The following CDH12 variants were observed in gnomAD, a reference collection of about 807,000 sequenced individuals.
CDH12 encodes the protein cadherin 12, also known as cadherin-12.
Under a neutral mutation model 74.1 loss-of-function variants are expected in CDH12, and 41 were observed. The ratio of observed to expected loss-of-function variants is 0.55; its 90% CI spans 0.43 to 0.72. The LOEUF (loss-of-function observed/expected upper bound fraction) is 0.72, where lower values mean the gene tolerates loss of function less well. Ranked by LOEUF, CDH12 falls within the 30% of genes least tolerant of loss-of-function variation. CDH12 has a pLI of 0.00. For synonymous variants in CDH12, 399 were observed against 355.0 expected (o/e 1.12, Z -1.39); for missense variants, 945 against 977.2 (o/e 0.97, Z 0.44).
intron 6 of CDH12, among the ~76,000 whole-genome samples, chr5:21,966,665 C>T (rs1013529509): frequency 5.3e-5 from 8 of 152,114 alleles, no homozygotes; most frequent in Admixed American, 2.6e-4. Context: ...TTGGAAAACA[C>T]TTGGCTCCCA....
Position 22,650,449 on chromosome 5 carries a change from T to C in CDH12, c.-522-145085A>G, listed in dbSNP as rs141878921. Among the ~76,000 whole-genome samples the C allele has an allele frequency of 3.3e-3, 502 of 152,104 alleles. 1 individual carries two copies. Among genetic ancestry groups the C allele is most frequent in the African/African-American group, 9.1e-3 (377 of 41,524 alleles). On this transcript the variant is annotated intron_variant, in intron 1 of 14. Transcript: ENST00000382254. The stretch of plus-strand genomic sequence containing the variant: ...AGATTTAAACTGTGTCCTTAGAGAG[T>C]AACCACAGTTCCCTTTGTAAGGGCA...
chr5:22,110,250 A>G (rs1744726709), intron 4 of CDH12, among the ~76,000 whole-genome samples: 1 of 152,146 alleles, frequency 6.6e-6, no homozygotes, highest in South Asian at 2.1e-4. Context: ...AAAATAGCCA[A>G]TATGCCAGAG....
intron 9 of CDH12, 46 bp downstream of exon 9, chr5:21,816,899 T>A: frequency 8.4e-7 from 1 of 1,188,058 alleles, no homozygotes. Context: ...TTTATCTTCT[T>A]TAATTATTAT....
chr5:22,579,340 A>G (rs1422495703), intron 1 of CDH12, among the ~76,000 whole-genome samples: 1 of 152,182 alleles, frequency 6.6e-6, no homozygotes, highest in Non-Finnish European at 1.5e-5. Flanking sequence ...TTGACTTGGA[A>G]AGAAATTGAT....
intron 4 of CDH12, among the ~76,000 whole-genome samples, chr5:22,114,775 T>G (rs1744996651): frequency 6.6e-6 from 1 of 152,174 alleles, no homozygotes; most frequent in Non-Finnish European, 1.5e-5. Context: ...TTCACATTGA[T>G]GTGCACAAAA....
chr5:21,789,166 T>C (rs189803159), intron 10 of CDH12, among the ~76,000 whole-genome samples: 110 of 152,296 alleles, frequency 7.2e-4, no homozygotes, highest in African/African-American at 2.6e-3. Context: ...TAATTGTATG[T>C]ATTATATATG....
chr5:22,465,680 A>C (rs1745699101), intron 2 of CDH12, among the ~76,000 whole-genome samples: 1 of 152,050 alleles, frequency 6.6e-6, no homozygotes, highest in South Asian at 2.1e-4. Flanking sequence ...TAAGAACAGA[A>C]CAGAACAGAA....
intron 4 of CDH12, among the ~76,000 whole-genome samples, chr5:22,207,057 CAA>C (rs1177658403): frequency 1.4e-5 from 2 of 139,502 alleles, no homozygotes; most frequent in Admixed American, 7.2e-5. Context: ...ACTAAAAATA[CAA>C]AAAAAAAAAA....
At chr5:22,355,804 T>C (rs903077247) in intron 3 of CDH12, among the ~76,000 whole-genome samples, 2 of 152,054 alleles carry the variant, frequency 1.3e-5, no homozygotes, top group African/African-American at 4.8e-5. Context: ...TACAAATACA[T>C]ACATACATAC....
At chr5:22,152,629 G>A (rs1747672883) in intron 4 of CDH12, among the ~76,000 whole-genome samples, 1 of 152,138 alleles carries the variant, frequency 6.6e-6, no homozygotes, top group Admixed American at 6.6e-5. Context: ...TTTGTGGTGA[G>A]AACAGTTAAT....
intron 5 of CDH12, among the ~76,000 whole-genome samples, chr5:22,076,645 A>G (rs1742336105): frequency 6.6e-6 from 1 of 152,198 alleles, no homozygotes; most frequent in Non-Finnish European, 1.5e-5. Context: ...TAGGAGAACC[A>G]CATGAAATTA....
At chr5:22,115,051 A>C (rs780134850) in intron 4 of CDH12, among the ~76,000 whole-genome samples, 34 of 152,146 alleles carry the variant, frequency 2.2e-4, no homozygotes, top group Non-Finnish European at 3.4e-4. Flanking sequence ...TCAGTCAATA[A>C]ATCCCAGGGT....
intron 3 of CDH12, among the ~76,000 whole-genome samples, chr5:22,254,446 A>T (rs997325756): frequency 3.3e-5 from 5 of 151,832 alleles, no homozygotes; most frequent in Admixed American, 1.3e-4. Flanking sequence ...GACCAAGAAA[A>T]ACATCAACAA....
intron 6 of CDH12, among the ~76,000 whole-genome samples, chr5:21,912,366 C>T (rs993870683): frequency 2.6e-5 from 4 of 151,892 alleles, no homozygotes; most frequent in Non-Finnish European, 5.9e-5. Flanking sequence ...ATCGCCTTTA[C>T]ATTCAGTCAG....
chr5:22,102,102 G>A (rs1167463760), intron 4 of CDH12, among the ~76,000 whole-genome samples: 2 of 152,094 alleles, frequency 1.3e-5, no homozygotes, highest in South Asian at 2.1e-4. Flanking sequence ...TATTTATAAA[G>A]TCACTGATAA....
intron 3 of CDH12, among the ~76,000 whole-genome samples, chr5:22,398,661 T>G: frequency 6.6e-6 from 1 of 152,100 alleles, no homozygotes. Flanking sequence ...AGATATGAAG[T>G]CTTTTGTCTC....
intron 3 of CDH12, among the ~76,000 whole-genome samples, chr5:22,222,764 T>A (rs2150369692): frequency 6.6e-6 from 1 of 151,914 alleles, no homozygotes; most frequent in South Asian, 2.1e-4. Flanking sequence ...AAAACTAAGT[T>A]GCTATACTCT....
intron 1 of CDH12, among the ~76,000 whole-genome samples, chr5:22,625,611 G>T (rs1738246110): frequency 2.0e-5 from 3 of 152,290 alleles, no homozygotes; most frequent in African/African-American, 7.2e-5. Context: ...GGTAGTGTTA[G>T]ACCTGGACAG....
At chr5:22,066,294 T>A (rs1000967764) in intron 5 of CDH12, among the ~76,000 whole-genome samples, 46 of 152,272 alleles carry the variant, frequency 3.0e-4, no homozygotes, top group African/African-American at 1.1e-3. Context: ...CAATTTTTAG[T>A]CTTTTATTCC....
Sources: gnomAD v4.1 joint callset for allele counts (sites outside exome capture counted in the v4.1 genomes callset) on GRCh38, gnomAD v4.1.1 for gene constraint, MANE v1.5 for transcripts, NCBI Gene and HGNC (gene_info 2026-07-23, HGNC 2026-07-21) for gene names.